Variants in KCNIP4 observed in about 807,000 individuals in gnomAD.
KCNIP4 encodes potassium voltage-gated channel interacting protein 4.
In KCNIP4, 12 loss-of-function variants were observed where a neutral mutation model predicts 34.0. That is an observed-to-expected ratio of 0.35 (90% CI 0.23 to 0.57). KCNIP4 has a LOEUF of 0.57. KCNIP4 is among the 20% of genes least tolerant of loss of function. KCNIP4 has a pLI of 0.83. For synonymous variants in KCNIP4, 124 were observed against 102.2 expected, an observed-to-expected ratio of 1.21 and a Z score of -1.29; for missense variants, 238 against 311.7, an observed-to-expected ratio of 0.76 and a Z score of 1.78.
chr4:21,479,957 A>G (rs1242199638), intron 1 of KCNIP4, among the ~76,000 whole-genome samples: 2 of 151,646 alleles, frequency 1.3e-5, no homozygotes, highest in Non-Finnish European at 2.9e-5. Flanking sequence ...TAATATTAGG[A>G]ATATGATTGT....
chr4:21,916,049 C>T (rs968230523), intron 1 of KCNIP4, among the ~76,000 whole-genome samples: 17 of 152,190 alleles, frequency 1.1e-4, no homozygotes, highest in Non-Finnish European at 2.4e-4. Context: ...TGGTATAATT[C>T]GCTGTGTCCT....
At chr4:21,337,193 G>T (rs983693550) in intron 1 of KCNIP4, among the ~76,000 whole-genome samples, 1 of 152,134 alleles carries the variant, frequency 6.6e-6, no homozygotes, top group Admixed American at 6.5e-5. Flanking sequence ...AAGCGGAGAA[G>T]ATGAGGCCAG....
intron 3 of KCNIP4, among the ~76,000 whole-genome samples, chr4:20,836,925 T>A (rs1336652857): frequency 2.0e-5 from 3 of 152,180 alleles, no homozygotes; most frequent in Non-Finnish European, 2.9e-5. Flanking sequence ...ATTCTTTGCT[T>A]ACTTATTAAT....
At chr4:20,814,590 C>T (rs1254850956) in intron 3 of KCNIP4, among the ~76,000 whole-genome samples, 4 of 152,188 alleles carry the variant, frequency 2.6e-5, no homozygotes, top group African/African-American at 9.7e-5. Context: ...GCACCTCTCC[C>T]TCCAAGCAAG....
chr4:21,687,428 G>A lies in KCNIP4; in HGVS notation c.61+261143C>T, dbSNP rs115548492. On this transcript the variant is annotated intron_variant, in intron 1 of 8. Coordinates refer to ENST00000382152, the MANE Select transcript of KCNIP4 (RefSeq NM_025221.6). The stretch of plus-strand genomic sequence containing the variant: ...TAGCTTTGTCCCCTTAAAAGCACTG[G>A]TGTTGTTCAATTTTGTAGCACTTCC... Among the ~76,000 whole-genome samples the A allele has an allele frequency of 7.3e-3, 1,104 of 152,154 alleles. 18 individuals are homozygous for A. The highest frequency in any genetic ancestry group is 0.022 in the South Asian group (107 of 4,812).
At chr4:21,159,708 G>T (rs1753434143) in intron 1 of KCNIP4, among the ~76,000 whole-genome samples, 1 of 8,542 alleles carries the variant, frequency 1.2e-4, no homozygotes, top group Non-Finnish European at 2.3e-4. Flanking sequence ...CTTAAGAAAC[G>T]GCGCACCACG....
chr4:21,072,405 A>G (rs1745035543), intron 1 of KCNIP4, among the ~76,000 whole-genome samples: 1 of 151,310 alleles, frequency 6.6e-6, no homozygotes, highest in South Asian at 2.1e-4. Context: ...GATGATGAAC[A>G]TTTTTTCATG....
intron 1 of KCNIP4, among the ~76,000 whole-genome samples, chr4:21,757,938 A>T (rs1717772950): frequency 6.6e-6 from 1 of 152,178 alleles, no homozygotes. Context: ...ACTCCTAACT[A>T]CTAGGTTTGT....
intron 1 of KCNIP4, among the ~76,000 whole-genome samples, chr4:20,918,575 A>C (rs916843765): frequency 1.3e-5 from 2 of 152,160 alleles, no homozygotes; most frequent in Non-Finnish European, 2.9e-5. Context: ...ACACATAATT[A>C]AGAAATTCCT....
At chr4:21,435,301 A>G (rs1726853397) in intron 1 of KCNIP4, among the ~76,000 whole-genome samples, 1 of 152,204 alleles carries the variant, frequency 6.6e-6, no homozygotes, top group Non-Finnish European at 1.5e-5. Context: ...AGATATGACT[A>G]TGGGTTACAT....
chr4:21,598,389 GC>G (rs1742823353), intron 1 of KCNIP4, among the ~76,000 whole-genome samples: 1 of 152,086 alleles, frequency 6.6e-6, no homozygotes, highest in Non-Finnish European at 1.5e-5. Flanking sequence ...CATATTTTAG[GC>G]TTTGCAAGTC....
At chr4:21,136,168 C>T (rs994824648) in intron 1 of KCNIP4, among the ~76,000 whole-genome samples, 5 of 152,082 alleles carry the variant, frequency 3.3e-5, no homozygotes, top group African/African-American at 7.2e-5. Context: ...GGATGCTTGC[C>T]GTGCCCTAAG....
intron 1 of KCNIP4, among the ~76,000 whole-genome samples, chr4:21,232,783 A>C (rs1758892873): frequency 1.3e-5 from 2 of 152,200 alleles, no homozygotes; most frequent in Admixed American, 1.3e-4. Flanking sequence ...TAAGAAAGTA[A>C]TTAGCTAAAA....
chr4:21,116,632 T>C (rs1749701221), intron 1 of KCNIP4, among the ~76,000 whole-genome samples: 1 of 152,230 alleles, frequency 6.6e-6, no homozygotes, highest in Non-Finnish European at 1.5e-5. Context: ...ATCTGGTTTA[T>C]GGTTCCCAAG....
chr4:21,401,397 T>C (rs1560370346), intron 1 of KCNIP4, among the ~76,000 whole-genome samples: 2 of 152,318 alleles, frequency 1.3e-5, no homozygotes, highest in South Asian at 2.1e-4. Context: ...CCGATGCCCA[T>C]GTACAATGGG....
intron 1 of KCNIP4, among the ~76,000 whole-genome samples, chr4:21,747,946 T>A (rs745545329): frequency 1.7e-4 from 25 of 151,438 alleles, no homozygotes; most frequent in Admixed American, 5.9e-4. Context: ...GAGGCTAAGG[T>A]GAGAGCAAGG....
intron 1 of KCNIP4, among the ~76,000 whole-genome samples, chr4:21,377,315 A>G (rs1721047573): frequency 6.6e-6 from 1 of 152,182 alleles, no homozygotes; most frequent in Non-Finnish European, 1.5e-5. Flanking sequence ...TTCCATGCCA[A>G]CAAGCCTTGA....
chr4:21,082,038 C>T lies in KCNIP4; in HGVS notation c.62-199329G>A, dbSNP rs145648335. Among the ~76,000 whole-genome samples the T allele has an allele frequency of 7.7e-4, 117 of 151,988 alleles. 6 individuals carry two copies. The highest frequency in any genetic ancestry group is 2.7e-3 in the African/African-American group (110 of 41,368). On this transcript the variant is annotated intron_variant, in intron 1 of 8. Transcript: ENST00000382152. ...AAAAGGCTAATTGCTGATGATTTCG[C>T]AGAAAAGAGGTCTATTCTTTTTAGT...
intron 1 of KCNIP4, chr4:20,984,111 A>G: frequency 1.2e-6 from 1 of 837,816 alleles, no homozygotes; most frequent in Non-Finnish European, 1.8e-6. Context: ...GCTAAAGTCC[A>G]GCTTCTCATG....
Sources: gnomAD v4.1 joint callset for allele counts (sites outside exome capture counted in the v4.1 genomes callset) on GRCh38, gnomAD v4.1.1 for gene constraint, MANE v1.5 for transcripts, NCBI Gene and HGNC (gene_info 2026-07-23, HGNC 2026-07-21) for gene names.